KCNC2: variants seen among roughly 807,000 people sequenced by gnomAD.
KCNC2 encodes voltage-gated potassium channel KCNC2.
Under a neutral mutation model 44.5 loss-of-function variants are expected in KCNC2, and 21 were observed. The ratio of observed to expected loss-of-function variants is 0.47; its 90% CI spans 0.33 to 0.68. The LOEUF (loss-of-function observed/expected upper bound fraction) is 0.68, where lower values mean the gene tolerates loss of function less well. Ranked by LOEUF, KCNC2 falls within the 30% of genes least tolerant of loss-of-function variation. KCNC2 has a pLI of 0.01. For synonymous variants in KCNC2, 391 were observed against 339.1 expected (o/e 1.15, Z -1.68); for missense variants, 589 against 826.2 (o/e 0.71, Z 3.52).
At chr12:75,046,063 T>C (rs573437755) in intron 4 of KCNC2, among the ~76,000 whole-genome samples, 1 of 151,564 alleles carries the variant, frequency 6.6e-6, no homozygotes, top group African/African-American at 2.4e-5. Flanking sequence ...GATAACCAAC[T>C]GAAACGATTA....
intron 2 of KCNC2, among the ~76,000 whole-genome samples, chr12:75,174,131 C>G (rs897531690): frequency 8.2e-5 from 11 of 134,942 alleles, no homozygotes; most frequent in African/African-American, 3.0e-4. Flanking sequence ...CTTCACAGTT[C>G]TAACTTTTTT....
intron 2 of KCNC2, among the ~76,000 whole-genome samples, chr12:75,176,486 C>T (rs368526885): frequency 1.3e-5 from 2 of 151,894 alleles, no homozygotes; most frequent in Non-Finnish European, 2.9e-5. Context: ...ACACATTTTC[C>T]GATTTAATTC....
At chr12:75,088,496 C>A (rs1365547637) in intron 2 of KCNC2, among the ~76,000 whole-genome samples, 1 of 151,962 alleles carries the variant, frequency 6.6e-6, no homozygotes, top group Non-Finnish European at 1.5e-5. Flanking sequence ...TATGAACTGT[C>A]GTCCAAAATA....
chr12:75,181,117 C>T (rs1326713239), intron 2 of KCNC2, among the ~76,000 whole-genome samples: 1 of 151,816 alleles, frequency 6.6e-6, no homozygotes, highest in East Asian at 1.9e-4. Flanking sequence ...AAACTAGTTT[C>T]TAGGATTCTC....
intron 2 of KCNC2, among the ~76,000 whole-genome samples, chr12:75,171,969 T>C (rs1450652921): frequency 6.6e-6 from 1 of 151,736 alleles, no homozygotes; most frequent in African/African-American, 2.4e-5. Flanking sequence ...AAGGATGTTA[T>C]CTGCAAACCT....
chr12:75,140,849 C>G (rs1889599585), intron 2 of KCNC2, among the ~76,000 whole-genome samples: 2 of 151,442 alleles, frequency 1.3e-5, no homozygotes, highest in South Asian at 4.2e-4. Context: ...TTTCTATTTC[C>G]TCCAGAACAC....
chr12:75,155,598 A>G (rs1277888617), intron 2 of KCNC2, among the ~76,000 whole-genome samples: 5 of 151,856 alleles, frequency 3.3e-5, no homozygotes, highest in Admixed American at 3.3e-4. Context: ...ATTAATATCT[A>G]ATCTCTATTA....
intron 2 of KCNC2, among the ~76,000 whole-genome samples, chr12:75,186,959 T>A (rs1203750411): frequency 6.6e-6 from 1 of 152,206 alleles, no homozygotes; most frequent in Admixed American, 6.5e-5. Flanking sequence ...TTATTAGCCA[T>A]CTTAACACAC....
chr12:75,152,008 C>A (rs1034526577), intron 2 of KCNC2, among the ~76,000 whole-genome samples: 1 of 142,758 alleles, frequency 7.0e-6, no homozygotes, highest in Non-Finnish European at 1.5e-5. Flanking sequence ...ACATATTATA[C>A]ATTTATATAT....
chr12:75,081,948 T>C (rs1478801055), intron 2 of KCNC2, among the ~76,000 whole-genome samples: 1 of 152,036 alleles, frequency 6.6e-6, no homozygotes, highest in East Asian at 1.9e-4. Context: ...GATTATCTTA[T>C]AGAACTAAAA....
intron 2 of KCNC2, among the ~76,000 whole-genome samples, chr12:75,182,447 T>C (rs1043379551): frequency 1.9e-4 from 26 of 139,950 alleles, no homozygotes; most frequent in Non-Finnish European, 7.5e-5. Context: ...GGCGTGAACC[T>C]GGGAGGCGGA....
At chr12:75,176,534 T>A (rs556599937) in intron 2 of KCNC2, among the ~76,000 whole-genome samples, 40 of 152,076 alleles carry the variant, frequency 2.6e-4, no homozygotes, top group African/African-American at 8.7e-4. Flanking sequence ...ACCAGCCAAA[T>A]GGCCTCACAG....
At chr12:75,165,460 A>G (rs1008382956) in intron 2 of KCNC2, among the ~76,000 whole-genome samples, 13 of 151,590 alleles carry the variant, frequency 8.6e-5, no homozygotes, top group African/African-American at 3.1e-4. Context: ...ATGAATGATA[A>G]CTAATTTATA....
intron 2 of KCNC2, among the ~76,000 whole-genome samples, chr12:75,112,018 A>G (rs1401470130): frequency 6.6e-6 from 1 of 151,958 alleles, no homozygotes; most frequent in Non-Finnish European, 1.5e-5. Context: ...CAAATACTCT[A>G]TGCAGTTTAT....
At chr12:75,122,301 G>A (rs996779725) in intron 2 of KCNC2, among the ~76,000 whole-genome samples, 1 of 152,232 alleles carries the variant, frequency 6.6e-6, no homozygotes, top group Non-Finnish European at 1.5e-5. Context: ...ACTGTCTTAT[G>A]AGTAGGCACT....
At chr12:75,097,082 A>G (rs1885992283) in intron 2 of KCNC2, among the ~76,000 whole-genome samples, 1 of 152,134 alleles carries the variant, frequency 6.6e-6, no homozygotes, top group Non-Finnish European at 1.5e-5. Context: ...CAAGGAAATG[A>G]GCCAACAAAC....
chr12:75,199,828 CTT>C (rs1342353315), intron 2 of KCNC2, among the ~76,000 whole-genome samples: 1 of 151,710 alleles, frequency 6.6e-6, no homozygotes, highest in Non-Finnish European at 1.5e-5. Flanking sequence ...TTATAAAAGA[CTT>C]ATACACAAAA....
chr12:75,046,354 T>C (rs1421259884), intron 4 of KCNC2, among the ~76,000 whole-genome samples: 1 of 151,766 alleles, frequency 6.6e-6, no homozygotes, highest in African/African-American at 2.4e-5. Context: ...GATAGTGCCT[T>C]ATAATTTGCA....
chr12:75,172,513 A>G (rs1052962950), intron 2 of KCNC2, among the ~76,000 whole-genome samples: 2 of 151,636 alleles, frequency 1.3e-5, no homozygotes, highest in African/African-American at 4.8e-5. Context: ...AAGTACATCC[A>G]CCTTTGCCCT....
Sources: gnomAD v4.1 joint callset for allele counts (sites outside exome capture counted in the v4.1 genomes callset) on GRCh38, gnomAD v4.1.1 for gene constraint, MANE v1.5 for transcripts, NCBI Gene and HGNC (gene_info 2026-07-23, HGNC 2026-07-21) for gene names.